Variants in FNIP2 observed in about 807,000 individuals in gnomAD.
FNIP2 encodes the protein folliculin interacting protein 2.
A neutral mutation model predicts 108.7 loss-of-function variants in FNIP2; 32 were observed. That is an observed-to-expected ratio of 0.29 (90% CI 0.22 to 0.40). The LOEUF is 0.40. FNIP2 is among the 10% of genes least tolerant of loss of function. The pLI is 1.00. For synonymous variants in FNIP2, 480 were observed against 496.7 expected, an observed-to-expected ratio of 0.97 and a Z score of 0.45; for missense variants, 1,202 against 1,381.6, an observed-to-expected ratio of 0.87 and a Z score of 2.06.
At chr4:158,797,343 A>C (rs899871008) in intron 1 of FNIP2, among the ~76,000 whole-genome samples, 2 of 152,212 alleles carry the variant, frequency 1.3e-5, no homozygotes, top group Admixed American at 6.5e-5. Flanking sequence ...CATTGAATGG[A>C]TTTGTAGCAG....
chr4:158,863,594 G>A (rs116363236), intron 12 of FNIP2, among the ~76,000 whole-genome samples: 3,311 of 152,224 alleles, frequency 0.022, 126 homozygotes, highest in African/African-American at 0.075. Flanking sequence ...CAATGTGATC[G>A]CCACCCATTA....
chr4:158,872,600 T>A, intron 14 of FNIP2: 3 of 985,274 alleles, frequency 3.0e-6, no homozygotes, highest in South Asian at 9.4e-5. Context: ...AAAAATATCT[T>A]CAGAAGTTTA....
chr4:158,875,515 G>GATATATATACAT, intron 14 of FNIP2, among the ~76,000 whole-genome samples: 1 of 112,008 alleles, frequency 8.9e-6, no homozygotes, highest in South Asian at 2.9e-4. Flanking sequence ...GCCTGGCTGT[G>GATATATATACAT]ATATATATAT....
At chr4:158,904,387 T>G in intron 16 of FNIP2, 79 bp from the exon 17 acceptor site, 4 of 1,299,206 alleles carry the variant, frequency 3.1e-6, no homozygotes, top group Non-Finnish European at 4.4e-6. Flanking sequence ...AAATAATACT[T>G]TCTCATAAAA....
intron 12 of FNIP2, among the ~76,000 whole-genome samples, chr4:158,866,066 G>A (rs1355068389): frequency 2.7e-5 from 4 of 148,596 alleles, no homozygotes; most frequent in African/African-American, 1.0e-4. Flanking sequence ...GTTTTATCTA[G>A]TATATGCCCT....
intron 1 of FNIP2, among the ~76,000 whole-genome samples, chr4:158,769,719 T>C (rs964401678): frequency 2.0e-5 from 3 of 152,182 alleles, no homozygotes; most frequent in African/African-American, 7.2e-5. Context: ...CTCCAACCTA[T>C]TGTGTACGTG....
chr4:158,803,209 AC>A (rs1776819763), intron 1 of FNIP2, among the ~76,000 whole-genome samples: 1 of 152,236 alleles, frequency 6.6e-6, no homozygotes, highest in Non-Finnish European at 1.5e-5. Flanking sequence ...CTTCTATGAT[AC>A]ATGGATGAAC....
In FNIP2 at chr4:158,859,090, A is replaced by T. The variant is rs200960984; in HGVS notation, c.891A>T (p.Glu297Asp). ...ATGAGACATTCAGCTTGGCTGAAGAAACCTGTAGCTCTAATCCAGCTATGG... is the reference window on the plus strand; with the variant it reads ...ATGAGACATTCAGCTTGGCTGAAGATACCTGTAGCTCTAATCCAGCTATGG... ...STDETFSLAE[E>D]TCSSNPAMVR... The change falls in exon 9 of 17, where the codon GAA (glutamate) becomes GAT (aspartate). Residue 297 changes from glutamate to aspartate, a missense_variant. Glu to Asp is a conservative substitution (Grantham distance 45). Transcript: ENST00000264433. 774 of 1,613,994 alleles carry T rather than the reference A, an allele frequency of 4.8e-4. 3 individuals carry two copies. Among genetic ancestry groups the T allele is most frequent in the Non-Finnish European group, 6.0e-4 (703 of 1,179,862 alleles).
intron 5 of FNIP2, 31 bp downstream of exon 5, chr4:158,832,169 C>T: frequency 6.4e-7 from 1 of 1,557,460 alleles, no homozygotes; most frequent in South Asian, 1.1e-5. Context: ...TCCCCACCCC[C>T]ATTTTTTAAA....
Position 158,906,818 on chromosome 4 carries a change from C to A in FNIP2, c.*2274C>A, listed in dbSNP as rs947312897. 4 of 151,970 alleles carry A rather than the reference C, an allele frequency of 2.6e-5. No homozygotes were observed. Among genetic ancestry groups the A allele is most frequent in the Non-Finnish European group, 4.4e-5 (3 of 67,980 alleles). 9.4% of individuals were successfully genotyped at this position (151,970 alleles called of 1,614,324 possible). ...CTAAAAGCAAAAAAGAAAAAAAAAA[C>A]CTCACAGAATTGTGTTGAGATCCAC... On this transcript the variant is annotated 3_prime_UTR_variant, in exon 17 of 17. Coordinates refer to ENST00000264433, the MANE Select transcript of FNIP2 (RefSeq NM_020840.3).
At chr4:158,866,993 A>G (rs990661837) in intron 12 of FNIP2, among the ~76,000 whole-genome samples, 1 of 152,220 alleles carries the variant, frequency 6.6e-6, no homozygotes, top group African/African-American at 2.4e-5. Context: ...GTAATAATCA[A>G]ATTATCAAAT....
intron 14 of FNIP2, among the ~76,000 whole-genome samples, chr4:158,882,680 T>C (rs934793034): frequency 6.6e-5 from 10 of 152,250 alleles, no homozygotes; most frequent in African/African-American, 2.4e-4. Flanking sequence ...TGGGATGCTG[T>C]TGATCTATGA....
At chr4:158,776,229 C>T (rs919385041) in intron 1 of FNIP2, among the ~76,000 whole-genome samples, 3 of 152,218 alleles carry the variant, frequency 2.0e-5, no homozygotes, top group Admixed American at 1.3e-4. Flanking sequence ...ACCTACATAT[C>T]TGGTGGGGAC....
intron 7 of FNIP2, among the ~76,000 whole-genome samples, chr4:158,838,206 T>C (rs1578893002): frequency 6.6e-6 from 1 of 151,284 alleles, no homozygotes; most frequent in East Asian, 2.0e-4. Flanking sequence ...CATAAAGATA[T>C]TATTTATTCT....
chr4:158,833,836 G>A lies in FNIP2; in HGVS notation c.655+208G>A, dbSNP rs773741123. On this transcript the variant is annotated intron_variant, in intron 6 of 16. Transcript: ENST00000264433. ...AGCATGCAGCAGCAAACTGCTGCAG[G>A]GGGTAGCTGAAGGAGGACCTCTCCG... The A allele has an allele frequency of 8.7e-6, 13 of 1,502,436 alleles. No individual in the cohort carries two copies. In the African/African-American group the frequency reaches 1.8e-4, roughly 21 times the overall value. The allele number at this position is 1,502,436 out of a possible 1,614,324, so 93.1% of individuals were successfully genotyped here. A position where few individuals can be genotyped will look rare whatever the true frequency, so the allele number is the denominator to read the frequency against.
intron 1 of FNIP2, among the ~76,000 whole-genome samples, chr4:158,798,140 C>G (rs114263009): frequency 0.063 from 9,591 of 152,078 alleles, 383 homozygotes; most frequent in African/African-American, 0.11. Context: ...TTATAGCTCA[C>G]CGCAGCCTCA....
Position 158,899,462 on chromosome 4 carries a change from T to C in FNIP2, c.3266+3597T>C, listed in dbSNP as rs558705760. On this transcript the variant is annotated intron_variant, in intron 16 of 16. Transcript: ENST00000264433. ...CCTGTACACTCTGGTAGAATTTGGCTGTGAATCCATCTGGTCCTGGACATT... is the reference window on the plus strand; with the variant it reads ...CCTGTACACTCTGGTAGAATTTGGCCGTGAATCCATCTGGTCCTGGACATT... 4.9e-4 allele frequency among the ~76,000 whole-genome samples: 74 copies of C among 152,356 alleles called. 1 individual carries two copies. In the East Asian group the frequency reaches 0.013, roughly 27 times the overall value.
At chr4:158,807,372 A>G (rs1777025660) in intron 1 of FNIP2, among the ~76,000 whole-genome samples, 1 of 151,980 alleles carries the variant, frequency 6.6e-6, no homozygotes, top group African/African-American at 2.4e-5. Context: ...GCATGGGGGC[A>G]TGCAACTGTG....
At chr4:158,849,875 G>A (rs1195895809) in intron 7 of FNIP2, among the ~76,000 whole-genome samples, 2 of 151,698 alleles carry the variant, frequency 1.3e-5, no homozygotes, top group African/African-American at 4.8e-5. Context: ...ACCGTTATGG[G>A]TACAATGGAT....
Sources: gnomAD v4.1 joint callset for allele counts (sites outside exome capture counted in the v4.1 genomes callset) on GRCh38, gnomAD v4.1.1 for gene constraint, MANE v1.5 for transcripts, NCBI Gene and HGNC (gene_info 2026-07-23, HGNC 2026-07-21) for gene names.